Variants in EHMT1 observed in about 807,000 individuals in gnomAD.
The protein encoded by EHMT1 is histone-lysine N-methyltransferase EHMT1.
Under a neutral mutation model 147.2 loss-of-function variants are expected in EHMT1, and 15 were observed. That is an observed-to-expected ratio of 0.10 (90% CI 0.07 to 0.16). The LOEUF (loss-of-function observed/expected upper bound fraction) is 0.16, where lower values mean the gene tolerates loss of function less well. Among genes scored for constraint, EHMT1 ranks in the 10% least tolerant of loss-of-function variants. The pLI is 1.00. For synonymous variants in EHMT1, 795 were observed against 709.6 expected, an observed-to-expected ratio of 1.12 and a Z score of -1.91; for missense variants, 1,587 against 1,772.4, an observed-to-expected ratio of 0.90 and a Z score of 1.88.
chr9:137,719,276 C>G (rs1258848670), intron 3 of EHMT1, among the ~76,000 whole-genome samples: 3 of 152,118 alleles, frequency 2.0e-5, no homozygotes, highest in Admixed American at 6.6e-5. Flanking sequence ...GTGTCTCAGC[C>G]TGACTATGAG....
chr9:137,712,624 A>T (rs1588300125), intron 2 of EHMT1, among the ~76,000 whole-genome samples: 1 of 152,062 alleles, frequency 6.6e-6, no homozygotes, highest in Non-Finnish European at 1.5e-5. Context: ...TTCAAATTGG[A>T]TTGATTTTTA....
intron 15 of EHMT1, chr9:137,784,432 G>A (rs185557680): frequency 5.0e-5 from 60 of 1,190,510 alleles, no homozygotes; most frequent in Non-Finnish European, 6.0e-5. Flanking sequence ...TTGGTCGTTC[G>A]TGCATCTTTT....
In EHMT1 at chr9:137,801,003, C is replaced by G; in HGVS notation, c.2712+19C>G. ...AGACAACGTAAGTTCGTCACACCCT[C>G]CCCGGGAGCCGTGTCCTGGAGGGGT... On this transcript the variant is annotated intron_variant, in intron 18 of 26. Transcript: ENST00000460843. 6 of 1,610,386 alleles carry G rather than the reference C, an allele frequency of 3.7e-6. No individual in the cohort carries two copies. Among genetic ancestry groups the G allele is most frequent in the Non-Finnish European group, 5.1e-6 (6 of 1,176,822 alleles).
intron 1 of EHMT1, among the ~76,000 whole-genome samples, chr9:137,684,752 A>G (rs1371084326): frequency 6.6e-6 from 1 of 152,142 alleles, no homozygotes; most frequent in Admixed American, 6.5e-5. Context: ...CAGCCTCCCA[A>G]CGTGCTGGGA....
chr9:137,819,726 C>T (rs1005138471), intron 25 of EHMT1, among the ~76,000 whole-genome samples: 9 of 151,748 alleles, frequency 5.9e-5, no homozygotes, highest in East Asian at 1.9e-4. Context: ...CTGAGTGAAG[C>T]AGCAGTGAGC....
intron 6 of EHMT1, among the ~76,000 whole-genome samples, chr9:137,748,720 A>C (rs1002677715): frequency 6.6e-6 from 1 of 152,216 alleles, no homozygotes; most frequent in African/African-American, 2.4e-5. Context: ...ACTTTTTCAC[A>C]TACTTACTTT....
At chr9:137,698,017 C>T (rs1251041422) in intron 1 of EHMT1, among the ~76,000 whole-genome samples, 1 of 149,294 alleles carries the variant, frequency 6.7e-6, no homozygotes, top group South Asian at 2.2e-4. Context: ...GTGTGGCTCG[C>T]GGAGGCCTCA....
intron 1 of EHMT1, among the ~76,000 whole-genome samples, chr9:137,677,276 G>T (rs1416878213): frequency 6.6e-6 from 1 of 152,132 alleles, no homozygotes; most frequent in East Asian, 1.9e-4. Flanking sequence ...TGGGATTACA[G>T]CGTGTGGCAC....
chr9:137,790,481 C>A (rs559696284), intron 15 of EHMT1, among the ~76,000 whole-genome samples: 2 of 152,244 alleles, frequency 1.3e-5, no homozygotes, highest in Admixed American at 1.3e-4. Context: ...GCAGGGTGAA[C>A]CGGCACCTCC....
At chr9:137,830,416 A>C (rs1359379469) in intron 25 of EHMT1, among the ~76,000 whole-genome samples, 2 of 152,222 alleles carry the variant, frequency 1.3e-5, no homozygotes, top group Admixed American at 6.5e-5. Context: ...CAGAGGACAG[A>C]GTTATGAAGT....
At chr9:137,781,084 T>TGAC (rs1951449025) in intron 14 of EHMT1, among the ~76,000 whole-genome samples, 1 of 44,746 alleles carries the variant, frequency 2.2e-5, no homozygotes, top group Admixed American at 1.8e-4. Context: ...TGTGTGGTGA[T>TGAC]GACGCTGGGA....
At chr9:137,783,070 T>C (rs1200460635) in intron 15 of EHMT1, among the ~76,000 whole-genome samples, 2 of 152,244 alleles carry the variant, frequency 1.3e-5, no homozygotes, top group Admixed American at 6.5e-5. Flanking sequence ...TTAGGAACTT[T>C]CCTTGAACCC....
chr9:137,709,925 C>T (rs890200238), intron 1 of EHMT1, among the ~76,000 whole-genome samples: 4 of 152,150 alleles, frequency 2.6e-5, no homozygotes, highest in Admixed American at 2.6e-4. Context: ...GTGTGGGTGT[C>T]AGCCTGACAG....
chr9:137,671,897 C>T (rs1354835916), intron 1 of EHMT1, among the ~76,000 whole-genome samples: 1 of 152,158 alleles, frequency 6.6e-6, no homozygotes, highest in African/African-American at 2.4e-5. Flanking sequence ...CCAGGCCTTG[C>T]CCCGACATGT....
intron 17 of EHMT1, among the ~76,000 whole-genome samples, chr9:137,799,686 G>A (rs1350648591): frequency 6.6e-6 from 1 of 152,240 alleles, no homozygotes; most frequent in Non-Finnish European, 1.5e-5. Flanking sequence ...AGGAGGCTTG[G>A]TCCGAGTCTT....
At chr9:137,721,129 C>T (rs548122849) in intron 3 of EHMT1, among the ~76,000 whole-genome samples, 30 of 150,786 alleles carry the variant, frequency 2.0e-4, no homozygotes, top group South Asian at 1.9e-3. Context: ...GGGGAGCATC[C>T]TCTCCCAGAC....
chr9:137,692,425 G>A (rs1170393418), intron 1 of EHMT1, among the ~76,000 whole-genome samples: 1 of 151,592 alleles, frequency 6.6e-6, no homozygotes, highest in Admixed American at 6.6e-5. Context: ...CCACCGCGCC[G>A]GGCTAGTGTT....
intron 3 of EHMT1, among the ~76,000 whole-genome samples, chr9:137,725,028 TGGCCTTCGTGG>T (rs1319723938): frequency 9.7e-5 from 14 of 144,568 alleles, no homozygotes; most frequent in Admixed American, 7.5e-4. Flanking sequence ...GGCAGGCGTG[TGGCCTTCGTGG>T]GGCATTCGTG....
chr9:137,806,006 A>C (rs920947658), intron 18 of EHMT1, among the ~76,000 whole-genome samples: 1 of 146,536 alleles, frequency 6.8e-6, no homozygotes, highest in Non-Finnish European at 1.5e-5. Context: ...CCTGTCACCC[A>C]GGCTGGAGTG....
Sources: gnomAD v4.1 joint callset for allele counts (sites outside exome capture counted in the v4.1 genomes callset) on GRCh38, gnomAD v4.1.1 for gene constraint, MANE v1.5 for transcripts, NCBI Gene and HGNC (gene_info 2026-07-23, HGNC 2026-07-21) for gene names.